Variants in PLXNC1 observed in about 807,000 individuals in gnomAD.
PLXNC1 encodes the protein plexin-C1.
In PLXNC1, 75 loss-of-function variants were observed where a neutral mutation model predicts 178.2. The ratio of observed to expected loss-of-function variants is 0.42; its 90% CI spans 0.35 to 0.51. The LOEUF (loss-of-function observed/expected upper bound fraction) is 0.51, where lower values mean the gene tolerates loss of function less well. PLXNC1 is among the 20% of genes least tolerant of loss of function. PLXNC1 has a pLI of 0.02. For synonymous variants in PLXNC1, 790 were observed against 779.9 expected (o/e 1.01, Z -0.22); for missense variants, 1,503 against 1,984.4 (o/e 0.76, Z 4.61).
At chr12:94,193,097 G>A (rs906939246) in intron 4 of PLXNC1, among the ~76,000 whole-genome samples, 1 of 152,196 alleles carries the variant, frequency 6.6e-6, no homozygotes, top group Non-Finnish European at 1.5e-5. Flanking sequence ...GGAAGCTGGT[G>A]TAGGGACCAG....
chr12:94,199,393 C>T (rs1403112404), intron 4 of PLXNC1, among the ~76,000 whole-genome samples: 1 of 152,122 alleles, frequency 6.6e-6, no homozygotes, highest in Non-Finnish European at 1.5e-5. Flanking sequence ...CGTGTGAGGA[C>T]CCCATTGTGC....
At chr12:94,174,303 G>A (rs1223547284) in intron 2 of PLXNC1, among the ~76,000 whole-genome samples, 1 of 151,948 alleles carries the variant, frequency 6.6e-6, no homozygotes, top group Non-Finnish European at 1.5e-5. Flanking sequence ...TCCCACCTCA[G>A]CCTCTTGAGT....
At chr12:94,193,351 A>G (rs1161561460) in intron 4 of PLXNC1, among the ~76,000 whole-genome samples, 3 of 152,196 alleles carry the variant, frequency 2.0e-5, no homozygotes, top group Non-Finnish European at 4.4e-5. Context: ...CAGGGACTGA[A>G]TTAGAATGAT....
intron 4 of PLXNC1, among the ~76,000 whole-genome samples, chr12:94,208,123 A>G (rs1963358453): frequency 6.6e-6 from 1 of 152,170 alleles, no homozygotes; most frequent in Admixed American, 6.5e-5. Context: ...ATTTGAACTT[A>G]ATGTCTTTGA....
At chr12:94,172,939 T>C (rs889104869) in intron 2 of PLXNC1, among the ~76,000 whole-genome samples, 18 of 152,160 alleles carry the variant, frequency 1.2e-4, no homozygotes, top group Admixed American at 7.2e-4. Context: ...TATAAGATTT[T>C]GGGGAAATAG....
chr12:94,297,454 G>A (rs755807527), intron 26 of PLXNC1, 31 bp downstream of exon 26: 1 of 1,411,316 alleles, frequency 7.1e-7, no homozygotes, highest in Non-Finnish European at 1.0e-6. Flanking sequence ...GCACTTTATG[G>A]CTACCTAGGG....
chr12:94,299,844 G>C (rs916923140), intron 27 of PLXNC1, among the ~76,000 whole-genome samples: 2 of 152,174 alleles, frequency 1.3e-5, no homozygotes, highest in African/African-American at 4.8e-5. Context: ...ACAGGTGTGA[G>C]CCACTGCCCC....
At chr12:94,150,784 TGGG>T (rs1960933641) in intron 1 of PLXNC1, 1 of 152,006 alleles carries the variant, frequency 6.6e-6, no homozygotes, top group Non-Finnish European at 1.5e-5. Flanking sequence ...GGGAAAGTGT[TGGG>T]GGTGCTACAG....
chr12:94,230,630 C>T (rs1308214897), intron 9 of PLXNC1, among the ~76,000 whole-genome samples: 1 of 152,228 alleles, frequency 6.6e-6, no homozygotes, highest in African/African-American at 2.4e-5. Flanking sequence ...AGGGATTTCT[C>T]GTGCTCTGTC....
intron 4 of PLXNC1, among the ~76,000 whole-genome samples, chr12:94,204,350 T>C (rs1300895448): frequency 6.6e-6 from 1 of 152,216 alleles, no homozygotes; most frequent in Non-Finnish European, 1.5e-5. Context: ...GGGACAATTA[T>C]TGCAGCTACT....
At chr12:94,212,273 CAAAAAA>C (rs146191533) in intron 5 of PLXNC1, among the ~76,000 whole-genome samples, 5 of 89,156 alleles carry the variant, frequency 5.6e-5, no homozygotes, top group Non-Finnish European at 1.1e-4. Context: ...GACTCCGTCT[CAAAAAA>C]AAAAAAAAAA....
Position 94,149,779 on chromosome 12 carries a change from A to G in PLXNC1, c.808A>G (p.Ser270Gly). ...GWPSMARIAQSTEVLFQGQAS... is the reference protein window; with the variant it reads ...GWPSMARIAQGTEVLFQGQAS... ...GCCCAGCATGGCGCGCATCGCGCAG[A>G]GCACCGAGGTGCTGTTCCAGGGCCA... is the stretch of plus-strand genomic sequence containing the variant. Residue 270 changes from serine (S) to glycine (G), a missense_variant, in exon 1 of 31, where the codon AGC becomes GGC. Physicochemically the swap from Ser to Gly is moderately conservative, Grantham distance 56. Around this residue, in one of 4 missense-constraint regions of PLXNC1, gnomAD observed 615 missense variants for 698.6 expected, o/e 0.88. Transcript: ENST00000258526. The G allele has an allele frequency of 6.2e-7, 1 of 1,608,340 alleles. No homozygotes were observed. Among genetic ancestry groups the G allele is most frequent in the Non-Finnish European group, 8.5e-7 (1 of 1,179,042 alleles).
intron 17 of PLXNC1, among the ~76,000 whole-genome samples, chr12:94,258,114 A>G (rs1283878849): frequency 6.6e-6 from 1 of 151,862 alleles, no homozygotes; most frequent in Non-Finnish European, 1.5e-5. Context: ...GCGACAGAGC[A>G]AGACTCCGTC....
At chr12:94,284,196 C>G (rs1966674530) in intron 23 of PLXNC1, among the ~76,000 whole-genome samples, 1 of 151,752 alleles carries the variant, frequency 6.6e-6, no homozygotes, top group Non-Finnish European at 1.5e-5. Context: ...GAGTCAGAAT[C>G]TTGTAGCCTC....
At chr12:94,178,606 T>C (rs1047187173) in intron 2 of PLXNC1, among the ~76,000 whole-genome samples, 13 of 152,232 alleles carry the variant, frequency 8.5e-5, no homozygotes, top group Admixed American at 3.9e-4. Context: ...TGCCTGTCCC[T>C]TGGCTCCACT....
intron 1 of PLXNC1, among the ~76,000 whole-genome samples, chr12:94,163,510 G>A (rs1024296163): frequency 4.6e-5 from 7 of 152,112 alleles, no homozygotes; most frequent in African/African-American, 1.7e-4. Flanking sequence ...TGTGGGGGTG[G>A]GGAAGGGACA....
chr12:94,221,725 T>C (rs1963800563), intron 6 of PLXNC1, among the ~76,000 whole-genome samples: 1 of 152,160 alleles, frequency 6.6e-6, no homozygotes, highest in Non-Finnish European at 1.5e-5. Context: ...GCAGATTCAG[T>C]GTCTGGTAAT....
chr12:94,248,142 C>G (rs552124395), intron 13 of PLXNC1, 36 bp downstream of exon 13: 9 of 1,591,818 alleles, frequency 5.7e-6, no homozygotes, highest in Middle Eastern at 3.3e-4. Context: ...GATGTCACCC[C>G]GACCCCTTGA....
In PLXNC1 at chr12:94,297,409, C is replaced by T. The variant is rs761899203; in HGVS notation, c.4060C>T (p.Leu1354=). ...AGTAAAAGAAATGTATCTGACAAAG[C>T]TGCTGTCGACCAAGGTACACTTACT... ...FKVKEMYLTK[L]LSTKVAIHSV... is the part of the protein sequence containing the mutation. The change falls in exon 26 of 31, where the codon CTG becomes TTG. Residue 1354 remains leucine (L), a synonymous_variant. Coordinates refer to ENST00000258526, the MANE Select transcript of PLXNC1 (RefSeq NM_005761.3). The T allele has an allele frequency of 6.2e-7, 1 of 1,612,188 alleles. No homozygotes were observed. Among genetic ancestry groups the T allele is most frequent in the South Asian group, 1.1e-5 (1 of 90,994 alleles).
Sources: allele counts gnomAD v4.1 joint callset (sites outside exome capture counted in the v4.1 genomes callset), GRCh38; gene constraint gnomAD v4.1.1; regional missense constraint gnomAD v4.1.1; transcripts MANE v1.5; gene names NCBI Gene and HGNC (gene_info 2026-07-23, HGNC 2026-07-21).